The following SHROOM3 variants were observed in gnomAD, a reference collection of about 807,000 sequenced individuals.
SHROOM3 encodes the protein shroom family member 3, also known as protein Shroom3.
In SHROOM3, 47 loss-of-function variants were observed where a neutral mutation model predicts 138.6. The observed-to-expected ratio is 0.34, with a 90% confidence interval of 0.27 to 0.43. The LOEUF (loss-of-function observed/expected upper bound fraction) is 0.43. Ranked by LOEUF, SHROOM3 falls within the 20% of genes least tolerant of loss-of-function variation. The pLI is 1.00. For synonymous variants in SHROOM3, 1,062 were observed against 1,063.3 expected (o/e 1.00, Z 0.02); for missense variants, 2,491 against 2,596.5 (o/e 0.96, Z 0.88).
At chr4:76,710,315 A>C (rs764581651) in intron 3 of SHROOM3, 28 bp downstream of exon 3, 1 of 1,613,030 alleles carries the variant, frequency 6.2e-7, no homozygotes, top group Non-Finnish European at 8.5e-7. Flanking sequence ...TGGTGCTGGC[A>C]GTTCGGAAAA....
At position 76,755,002 on chromosome 4, in the gene SHROOM3, G is replaced by A. The variant is rs141646361; in HGVS notation, c.4519G>A (p.Glu1507Lys). The part of the protein sequence containing the change: ...SPPPHEDYED[E>K]VFVRDPHPKA... ...GCCACCTCATGAGGATTATGAAGAC[G>A]AAGTGTTTGTGAGGGATCCGCACCC... The change falls in exon 7 of 11, where the codon GAA becomes AAA. Residue 1507 changes from glutamate to lysine, a missense_variant. Coordinates refer to ENST00000296043, the MANE Select transcript of SHROOM3 (RefSeq NM_020859.4). The A allele has an allele frequency of 1.8e-3, 2,847 of 1,612,432 alleles. 5 individuals carry two copies. Among genetic ancestry groups the A allele is most frequent in the Non-Finnish European group, 2.1e-3 (2,504 of 1,178,694 alleles).
In SHROOM3 at chr4:76,754,765, C is replaced by A; in HGVS notation, c.4282C>A (p.Pro1428Thr). The A allele has an allele frequency of 6.2e-7, 1 of 1,614,202 alleles. No homozygotes were observed. Among genetic ancestry groups the A allele is most frequent in the Non-Finnish European group, 8.5e-7 (1 of 1,180,012 alleles). The change falls in exon 7 of 11, where the codon CCT (proline) becomes ACT (threonine). Residue 1428 changes from proline (P) to threonine (T), a missense_variant. This residue lies in a region of SHROOM3 where 1,733 missense variants were observed against 1,661.6 expected (regional missense o/e 1.04). Transcript: ENST00000296043. ...KRVSLPQWPP[P>T]SRAKWAHAAR... ...GGTCTCGCTGCCTCAGTGGCCACCTCCTTCTCGAGCAAAGTGGGCCCACGC... is the reference window on the plus strand; with the variant it reads ...GGTCTCGCTGCCTCAGTGGCCACCTACTTCTCGAGCAAAGTGGGCCCACGC...
chr4:76,528,620 A>G (rs1036970332), intron 1 of SHROOM3, among the ~76,000 whole-genome samples: 1 of 138,778 alleles, frequency 7.2e-6, no homozygotes, highest in African/African-American at 2.8e-5. Context: ...ATCCTGGCTC[A>G]CTGCAACCTC....
intron 3 of SHROOM3, among the ~76,000 whole-genome samples, chr4:76,713,474 G>A (rs1720289502): frequency 6.6e-6 from 1 of 152,146 alleles, no homozygotes; most frequent in Admixed American, 6.6e-5. Context: ...CAGGGGCAGT[G>A]CATGGAGCTG....
At chr4:76,552,958 G>A (rs368049208) in intron 1 of SHROOM3, among the ~76,000 whole-genome samples, 4 of 151,958 alleles carry the variant, frequency 2.6e-5, no homozygotes, top group Non-Finnish European at 4.4e-5. Flanking sequence ...AATTTCTAAC[G>A]TACTACATTA....
chr4:76,539,230 G>C (rs1407773527), intron 1 of SHROOM3, among the ~76,000 whole-genome samples: 2 of 152,150 alleles, frequency 1.3e-5, no homozygotes, highest in African/African-American at 4.8e-5. Flanking sequence ...AGAGATGTTA[G>C]TTCTCTTTCC....
At chr4:76,639,484 GGTGA>G (rs1393983678) in intron 2 of SHROOM3, 3 of 397,966 alleles carry the variant, frequency 7.5e-6, no homozygotes, top group African/African-American at 6.2e-5. Context: ...CTGAGTGCGT[GGTGA>G]GTAAGAGCCT....
At chr4:76,540,865 AAG>A (rs1399184086) in intron 1 of SHROOM3, among the ~76,000 whole-genome samples, 1 of 152,190 alleles carries the variant, frequency 6.6e-6, no homozygotes, top group Non-Finnish European at 1.5e-5. Context: ...CTGATGAAGA[AAG>A]AGTTGAAAAT....
chr4:76,500,407 G>A (rs1274513108), intron 1 of SHROOM3, among the ~76,000 whole-genome samples: 1 of 152,178 alleles, frequency 6.6e-6, no homozygotes, highest in Non-Finnish European at 1.5e-5. Context: ...TCCCAGGACA[G>A]CTAATGCTAG....
intron 6 of SHROOM3, among the ~76,000 whole-genome samples, chr4:76,753,420 T>G (rs1405436774): frequency 6.6e-6 from 1 of 152,206 alleles, no homozygotes; most frequent in East Asian, 1.9e-4. Context: ...AGGAGTCAGA[T>G]CTGTGAGATG....
chr4:76,771,835 T>A (rs1397240764), intron 10 of SHROOM3, among the ~76,000 whole-genome samples: 2 of 152,178 alleles, frequency 1.3e-5, no homozygotes, highest in Non-Finnish European at 2.9e-5. Flanking sequence ...CTATAGAGCA[T>A]TCTTCATCCA....
At chr4:76,596,081 T>C (rs546739509) in intron 2 of SHROOM3, among the ~76,000 whole-genome samples, 1 of 152,176 alleles carries the variant, frequency 6.6e-6, no homozygotes, top group Non-Finnish European at 1.5e-5. Flanking sequence ...GTCTATATAC[T>C]GTCATGCACC....
intron 2 of SHROOM3, among the ~76,000 whole-genome samples, chr4:76,704,504 C>G (rs1719994280): frequency 6.6e-6 from 1 of 152,140 alleles, no homozygotes. Context: ...AGTGGTCAGC[C>G]AAGAAATGAA....
intron 2 of SHROOM3, among the ~76,000 whole-genome samples, chr4:76,670,427 G>A (rs1718844904): frequency 6.6e-6 from 1 of 152,154 alleles, no homozygotes; most frequent in South Asian, 2.1e-4. Flanking sequence ...TGATGCCTGG[G>A]TTAGGGGGTG....
chr4:76,775,733 TAC>T (rs1169864174), intron 10 of SHROOM3, among the ~76,000 whole-genome samples: 1 of 151,290 alleles, frequency 6.6e-6, no homozygotes. Context: ...TACACATATA[TAC>T]ACATACTATA....
chr4:76,437,098 C>T (rs564513095), intron 1 of SHROOM3, among the ~76,000 whole-genome samples: 5 of 152,252 alleles, frequency 3.3e-5, no homozygotes, highest in African/African-American at 1.2e-4. Context: ...GGTTACTTTT[C>T]ATATCCCCAG....
chr4:76,447,543 T>C (rs1018373758), intron 1 of SHROOM3, among the ~76,000 whole-genome samples: 1 of 152,180 alleles, frequency 6.6e-6, no homozygotes, highest in Non-Finnish European at 1.5e-5. Context: ...GGCGTTGAGA[T>C]AGACAATTAA....
chr4:76,610,978 T>C lies in SHROOM3; in HGVS notation c.323+55215T>C, dbSNP rs532745636. 8.6e-4 allele frequency among the ~76,000 whole-genome samples: 131 copies of C among 152,324 alleles called. 3 individuals carry two copies. The South Asian group carries it at 0.017, about 19-fold the overall frequency. ...TATTTCACAACAATCTCAACCCATT[T>C]GTCCTCCACTGTGGATAGGGATGGG... On this transcript the variant is annotated intron_variant, in intron 2 of 10. Coordinates refer to ENST00000296043, the MANE Select transcript of SHROOM3 (RefSeq NM_020859.4).
intron 1 of SHROOM3, among the ~76,000 whole-genome samples, chr4:76,530,623 CAAT>C (rs1278589822): frequency 1.3e-5 from 2 of 152,164 alleles, no homozygotes; most frequent in Admixed American, 6.5e-5. Flanking sequence ...GGTGAAGAAG[CAAT>C]GAACACTCAT....
Sources: allele counts gnomAD v4.1 joint callset (sites outside exome capture counted in the v4.1 genomes callset), GRCh38; gene constraint gnomAD v4.1.1; regional missense constraint gnomAD v4.1.1; transcripts MANE v1.5; gene names NCBI Gene and HGNC (gene_info 2026-07-23, HGNC 2026-07-21).